RIMS2: variants seen among roughly 807,000 people sequenced by gnomAD.
RIMS2 encodes the protein regulating synaptic membrane exocytosis 2, also known as regulating synaptic membrane exocytosis protein 2.
A neutral mutation model predicts 174.4 loss-of-function variants in RIMS2; 59 were observed. That is an observed-to-expected ratio of 0.34 (90% confidence interval 0.27 to 0.42). The LOEUF is 0.42. Ranked by LOEUF, RIMS2 falls within the 10% of genes least tolerant of loss-of-function variation. The pLI is 1.00. For synonymous variants in RIMS2, 606 were observed against 572.5 expected (o/e 1.06, Z -0.84); for missense variants, 1,620 against 1,666.3 (o/e 0.97, Z 0.48).
chr8:103,889,037 G>T (rs1269234741), intron 4 of RIMS2, among the ~76,000 whole-genome samples: 1 of 151,584 alleles, frequency 6.6e-6, no homozygotes, highest in Non-Finnish European at 1.5e-5. Flanking sequence ...GAGACACTGG[G>T]ATATTATGGG....
intron 19 of RIMS2, among the ~76,000 whole-genome samples, chr8:104,063,433 A>G (rs2097042986): frequency 6.6e-6 from 1 of 152,214 alleles, no homozygotes; most frequent in Admixed American, 6.6e-5. Context: ...TGAAACAGCT[A>G]GTTAGTGCAA....
At chr8:104,217,517 C>T (rs2099136092) in intron 19 of RIMS2, among the ~76,000 whole-genome samples, 1 of 152,188 alleles carries the variant, frequency 6.6e-6, no homozygotes, top group South Asian at 2.1e-4. Context: ...AATCCACCCA[C>T]CTCAGCCTCC....
chr8:104,186,278 T>G (rs1332066166), intron 19 of RIMS2, among the ~76,000 whole-genome samples: 3 of 151,592 alleles, frequency 2.0e-5, no homozygotes, highest in Non-Finnish European at 4.4e-5. Context: ...ATGGGTACAA[T>G]GTATATTATT....
intron 1 of RIMS2, among the ~76,000 whole-genome samples, chr8:103,695,761 T>G (rs1351948034): frequency 1.3e-5 from 2 of 151,982 alleles, no homozygotes; most frequent in African/African-American, 4.8e-5. Context: ...TTCTCTCAAT[T>G]TATAGACATC....
chr8:103,548,750 G>T (rs1054100118), intron 1 of RIMS2, among the ~76,000 whole-genome samples: 2 of 152,060 alleles, frequency 1.3e-5, no homozygotes, highest in Non-Finnish European at 2.9e-5. Flanking sequence ...CCAACAATAT[G>T]ATTCTATACC....
intron 19 of RIMS2, among the ~76,000 whole-genome samples, chr8:104,191,713 ATTTG>A (rs975640979): frequency 1.8e-4 from 28 of 152,114 alleles, no homozygotes; most frequent in African/African-American, 6.8e-4. Flanking sequence ...CACAATGAAA[ATTTG>A]TTAGTGTAGA....
At chr8:104,118,354 G>GTTTGTTTTTTTTTTTTTT (rs1566516268) in intron 19 of RIMS2, among the ~76,000 whole-genome samples, 1 of 108,498 alleles carries the variant, frequency 9.2e-6, no homozygotes, top group African/African-American at 4.1e-5. Flanking sequence ...TTTATTTTTT[G>GTTTGTTTTTTTTTTTTTT]TTTTTTTGTT....
At chr8:103,664,157 A>C (rs951314921) in intron 1 of RIMS2, among the ~76,000 whole-genome samples, 6 of 152,254 alleles carry the variant, frequency 3.9e-5, no homozygotes, top group African/African-American at 1.4e-4. Context: ...TCAATGTAAG[A>C]CCTAATACCA....
Position 104,035,698 on chromosome 8 carries a change from T to A in RIMS2, c.3334+21083T>A, listed in dbSNP as rs568128869. ...TAAGATTTTTTGAAAGTAGAAAAAA[T>A]TTATTTTAGTCTAAAGCAGTATTCC... On this transcript the variant is annotated intron_variant, in intron 19 of 23. Coordinates refer to ENST00000504942, the Ensembl canonical transcript of RIMS2. 2.6e-5 allele frequency among the ~76,000 whole-genome samples: 4 copies of A among 152,204 alleles called. No individual in the cohort carries two copies. The South Asian group carries it at 6.2e-4, about 24-fold the overall frequency.
intron 2 of RIMS2, among the ~76,000 whole-genome samples, chr8:103,747,809 C>T (rs779423880): frequency 2.0e-5 from 3 of 152,056 alleles, no homozygotes; most frequent in Non-Finnish European, 4.4e-5. Flanking sequence ...GTCTGAAATT[C>T]ACTTTTGGAC....
intron 19 of RIMS2, among the ~76,000 whole-genome samples, chr8:104,140,852 AG>A (rs1314442134): frequency 1.3e-5 from 2 of 152,308 alleles, no homozygotes; most frequent in Admixed American, 1.3e-4. Context: ...AAGGGGAAAA[AG>A]AAACAAAATG....
At chr8:104,075,810 C>G (rs966969867) in intron 19 of RIMS2, among the ~76,000 whole-genome samples, 2 of 152,116 alleles carry the variant, frequency 1.3e-5, no homozygotes, top group East Asian at 3.9e-4. Context: ...GCCTACGAAA[C>G]TATGAGAGTA....
chr8:103,858,859 A>G (rs911353628), intron 3 of RIMS2, among the ~76,000 whole-genome samples: 2 of 151,952 alleles, frequency 1.3e-5, no homozygotes, highest in African/African-American at 2.4e-5. Context: ...TGAGCCATAC[A>G]TTTTACAAAG....
intron 19 of RIMS2, among the ~76,000 whole-genome samples, chr8:104,175,715 A>T (rs1315890691): frequency 6.6e-6 from 1 of 152,170 alleles, no homozygotes; most frequent in Non-Finnish European, 1.5e-5. Flanking sequence ...AAAGAGAAAG[A>T]ACAAGTAAAG....
At chr8:103,942,996 G>C (rs2082887306) in intron 14 of RIMS2, 70 bp downstream of exon 16, 1 of 1,115,672 alleles carries the variant, frequency 9.0e-7, no homozygotes, top group Admixed American at 2.3e-5. Flanking sequence ...ATGTGATAAA[G>C]AACTTGAAGA....
At chr8:103,847,112 T>TC (rs147321755) in intron 3 of RIMS2, among the ~76,000 whole-genome samples, 23,888 of 151,982 alleles carry the variant, frequency 0.16, 1,983 homozygotes, top group Middle Eastern at 0.24. Flanking sequence ...GCTTTATGTG[T>TC]CCCCTGTTGA....
chr8:103,981,625 A>G (rs752145335), intron 16 of RIMS2, among the ~76,000 whole-genome samples: 24 of 152,190 alleles, frequency 1.6e-4, no homozygotes, highest in Admixed American at 5.2e-4. Context: ...AGGGAACTCA[A>G]TGAAATTCTA....
intron 3 of RIMS2, among the ~76,000 whole-genome samples, chr8:103,797,810 A>AT (rs1277915345): frequency 6.6e-6 from 1 of 151,936 alleles, no homozygotes; most frequent in African/African-American, 2.4e-5. Context: ...CTTTTTTTCC[A>AT]TGTTCTCCTA....
At chr8:104,076,814 C>A (rs1365176149) in intron 19 of RIMS2, among the ~76,000 whole-genome samples, 1 of 148,492 alleles carries the variant, frequency 6.7e-6, no homozygotes, top group South Asian at 2.1e-4. Context: ...GGATTGTTTT[C>A]TTTTATCTTT....
Sources: gnomAD v4.1 joint callset for allele counts (sites outside exome capture counted in the v4.1 genomes callset) on GRCh38, gnomAD v4.1.1 for gene constraint, MANE v1.5 for transcripts, NCBI Gene and HGNC (gene_info 2026-07-23, HGNC 2026-07-21) for gene names.